Variants in RPS6KC1 observed in about 807,000 individuals in gnomAD.
RPS6KC1 encodes inactive ribosomal protein S6 kinase delta-1.
In RPS6KC1, 54 loss-of-function variants were observed where a neutral mutation model predicts 103.8. That is an observed-to-expected ratio of 0.52 (90% CI 0.42 to 0.65). The LOEUF (loss-of-function observed/expected upper bound fraction) is 0.65, where lower values mean the gene tolerates loss of function less well. RPS6KC1 is among the 30% of genes least tolerant of loss of function. The pLI is 0.00. For synonymous variants in RPS6KC1, 439 were observed against 438.7 expected (o/e 1.00, Z -0.01); for missense variants, 1,151 against 1,253.8 (o/e 0.92, Z 1.24).
the RPS6KC1 span, among the ~76,000 whole-genome samples, chr1:213,616,126 G>T: frequency 2.6e-5 from 4 of 152,244 alleles, no homozygotes; most frequent in Non-Finnish European, 5.9e-5. Context: ...AAAGTGCAAG[G>T]CATGGCCCCA....
chr1:213,231,015 G>C (rs2094091641), intron 9 of RPS6KC1, among the ~76,000 whole-genome samples: 1 of 151,612 alleles, frequency 6.6e-6, no homozygotes, highest in African/African-American at 2.4e-5. Context: ...TGTTGTTTCT[G>C]GTGATGTTTA....
chr1:213,476,672 G>C, the RPS6KC1 span, among the ~76,000 whole-genome samples: 1 of 152,178 alleles, frequency 6.6e-6, no homozygotes, highest in Non-Finnish European at 1.5e-5. Context: ...TTTCACCCAG[G>C]AAGCTGGAGG....
chr1:213,768,968 C>T, the RPS6KC1 span, among the ~76,000 whole-genome samples: 6 of 152,264 alleles, frequency 3.9e-5, no homozygotes, highest in East Asian at 7.7e-4. Context: ...AGATAAGCCC[C>T]GTTCACCAGC....
At chr1:213,230,661 C>A in intron 9 of RPS6KC1, 117 bp downstream of exon 9, 1 of 534,506 alleles carries the variant, frequency 1.9e-6, no homozygotes, top group Non-Finnish European at 3.1e-6. Context: ...ATGGTGAAAC[C>A]CCGTTTCTAC....
the RPS6KC1 span, among the ~76,000 whole-genome samples, chr1:213,510,327 C>A: frequency 1.3e-5 from 2 of 152,154 alleles, no homozygotes; most frequent in African/African-American, 4.8e-5. Flanking sequence ...TGCCTGACTT[C>A]TTTTATCCAA....
At chr1:213,779,510 A>G in the RPS6KC1 span, among the ~76,000 whole-genome samples, 1 of 152,144 alleles carries the variant, frequency 6.6e-6, no homozygotes, top group South Asian at 2.1e-4. Flanking sequence ...ATGCTCAGTG[A>G]CTTCACCTTT....
intron 8 of RPS6KC1, among the ~76,000 whole-genome samples, chr1:213,178,657 C>T (rs888524515): frequency 3.3e-5 from 5 of 151,944 alleles, no homozygotes; most frequent in African/African-American, 1.2e-4. Flanking sequence ...TAATTTGGTA[C>T]TGTCTTTACT....
chr1:213,176,992 T>G (rs1490967150), intron 8 of RPS6KC1, among the ~76,000 whole-genome samples: 4 of 152,222 alleles, frequency 2.6e-5, no homozygotes, highest in Non-Finnish European at 4.4e-5. Flanking sequence ...ATTAAATAAC[T>G]TGGCCCAAAG....
At chr1:213,609,631 G>C in the RPS6KC1 span, among the ~76,000 whole-genome samples, 1 of 151,958 alleles carries the variant, frequency 6.6e-6, no homozygotes, top group African/African-American at 2.4e-5. Context: ...TGTGCACTAG[G>C]AGGAAAATGG....
the RPS6KC1 span, among the ~76,000 whole-genome samples, chr1:213,735,188 C>A: frequency 6.6e-6 from 1 of 152,198 alleles, no homozygotes; most frequent in Non-Finnish European, 1.5e-5. Context: ...AGTCTCTGTG[C>A]ATGCTTTTCC....
the RPS6KC1 span, among the ~76,000 whole-genome samples, chr1:213,566,085 C>G: frequency 2.0e-5 from 3 of 151,864 alleles, no homozygotes; most frequent in African/African-American, 7.3e-5. Flanking sequence ...TGGATGAATG[C>G]AGAGATGGAT....
At chr1:213,845,383 C>T in the RPS6KC1 span, among the ~76,000 whole-genome samples, 2 of 152,112 alleles carry the variant, frequency 1.3e-5, no homozygotes, top group Non-Finnish European at 2.9e-5. Context: ...GCCACCTCAC[C>T]CCCATGCTTT....
the RPS6KC1 span, among the ~76,000 whole-genome samples, chr1:213,409,236 G>A: frequency 2.6e-5 from 4 of 151,912 alleles, no homozygotes; most frequent in South Asian, 6.2e-4. Flanking sequence ...AAGTTATTGC[G>A]GTTTTTGCCA....
chr1:213,401,528 C>T, the RPS6KC1 span, among the ~76,000 whole-genome samples: 8 of 152,192 alleles, frequency 5.3e-5, no homozygotes, highest in East Asian at 5.8e-4. Context: ...TGAATTTTCA[C>T]GGAACCTGAA....
the RPS6KC1 span, among the ~76,000 whole-genome samples, chr1:213,624,802 G>A: frequency 6.6e-6 from 1 of 152,168 alleles, no homozygotes; most frequent in East Asian, 1.9e-4. Context: ...TTTTATAAGG[G>A]CACTAATCTC....
intron 12 of RPS6KC1, among the ~76,000 whole-genome samples, chr1:213,243,154 C>T (rs1438212271): frequency 2.6e-5 from 4 of 152,038 alleles, no homozygotes; most frequent in Admixed American, 6.6e-5. Context: ...CACCACCATG[C>T]CTGGCTAATT....
the RPS6KC1 span, chr1:213,820,555 C>G: frequency 2.6e-5 from 4 of 152,182 alleles, no homozygotes; most frequent in Non-Finnish European, 4.4e-5. Context: ...CAGAGAGCCT[C>G]TAGAAACCTG....
At chr1:213,692,388 CAAA>C in the RPS6KC1 span, among the ~76,000 whole-genome samples, 1 of 134,736 alleles carries the variant, frequency 7.4e-6, no homozygotes. Flanking sequence ...GACTCTGTCT[CAAA>C]AAAAAAAAAA....
chr1:213,221,632 C>G (rs895414992), intron 8 of RPS6KC1, among the ~76,000 whole-genome samples: 1 of 152,134 alleles, frequency 6.6e-6, no homozygotes, highest in African/African-American at 2.4e-5. Flanking sequence ...TTGTGAATGT[C>G]TGGGCATTTA....
Sources: gnomAD v4.1 joint callset for allele counts (sites outside exome capture counted in the v4.1 genomes callset) on GRCh38, gnomAD v4.1.1 for gene constraint, MANE v1.5 for transcripts, NCBI Gene and HGNC (gene_info 2026-07-23, HGNC 2026-07-21) for gene names.